MYH10: variants seen among roughly 807,000 people sequenced by gnomAD.
The protein encoded by MYH10 is myosin-10.
Under a neutral mutation model 257.8 loss-of-function variants are expected in MYH10, and 55 were observed. The ratio of observed to expected loss-of-function variants is 0.21; its 90% CI spans 0.17 to 0.27. The LOEUF (loss-of-function observed/expected upper bound fraction) is 0.27. Ranked by LOEUF, MYH10 falls within the 10% of genes least tolerant of loss-of-function variation. MYH10 has a pLI of 1.00. For synonymous variants in MYH10, 854 were observed against 921.7 expected, an observed-to-expected ratio of 0.93 and a Z score of 1.33; for missense variants, 1,631 against 2,500.6, an observed-to-expected ratio of 0.65 and a Z score of 7.42.
chr17:8,493,073 A>T (rs372550050), intron 32 of MYH10, 49 bp from the exon 33 acceptor site: 1 of 1,579,996 alleles, frequency 6.3e-7, no homozygotes, highest in East Asian at 2.3e-5. Context: ...AATGTACTCA[A>T]TTGGGGCCAG....
intron 6 of MYH10, 149 bp downstream of exon 6, chr17:8,576,494 G>C (rs1429774917): frequency 1.5e-6 from 1 of 668,132 alleles, no homozygotes; most frequent in African/African-American, 1.8e-5. Flanking sequence ...GAAAGAATAA[G>C]GCTCTAAGCA....
At chr17:8,537,697 G>A (rs926706607) in intron 14 of MYH10, among the ~76,000 whole-genome samples, 1 of 152,162 alleles carries the variant, frequency 6.6e-6, no homozygotes, top group African/African-American at 2.4e-5. Context: ...CACTTTTAAT[G>A]AGAATTTTCC....
intron 24 of MYH10, among the ~76,000 whole-genome samples, chr17:8,510,468 C>G (rs146369416): frequency 6.4e-4 from 98 of 152,226 alleles, no homozygotes; most frequent in African/African-American, 2.2e-3. Flanking sequence ...TTCCTTTCAA[C>G]CAGCAATTTC....
intron 30 of MYH10, among the ~76,000 whole-genome samples, chr17:8,495,993 G>C (rs1184860871): frequency 6.6e-6 from 1 of 152,164 alleles, no homozygotes; most frequent in Non-Finnish European, 1.5e-5. Context: ...ACAGATGTGA[G>C]CCACCACACC....
Position 8,508,536 on chromosome 17 carries a change from C to T in MYH10, c.3214+18G>A, listed in dbSNP as rs779287508. 5.6e-6 allele frequency: 9 copies of T among 1,613,896 alleles called. No homozygotes were observed. The highest frequency in any genetic ancestry group is 7.6e-6 in the Non-Finnish European group (9 of 1,179,934). On this transcript the variant is annotated intron_variant, in intron 26 of 42. Coordinates refer to ENST00000360416, the MANE Select transcript of MYH10 (RefSeq NM_001256012.3). ...TCACATGTCCTAGTCCCTGATTTCT[C>T]TAGCCCCAAATACTAACCTTCTAAA...
At chr17:8,530,191 T>C (rs2081969579) in intron 17 of MYH10, among the ~76,000 whole-genome samples, 1 of 152,014 alleles carries the variant, frequency 6.6e-6, no homozygotes, top group Non-Finnish European at 1.5e-5. Context: ...AAGAAAAAAA[T>C]CCTCCTTGGA....
intron 7 of MYH10, among the ~76,000 whole-genome samples, chr17:8,567,174 G>A (rs982732251): frequency 1.3e-5 from 2 of 152,154 alleles, no homozygotes; most frequent in Non-Finnish European, 2.9e-5. Context: ...TTTAGTTGTG[G>A]CTCAGGCTCA....
intron 21 of MYH10, 134 bp downstream of exon 21, chr17:8,518,497 T>C (rs947317643): frequency 4.6e-6 from 4 of 865,300 alleles, no homozygotes; most frequent in Non-Finnish European, 3.6e-6. Flanking sequence ...TACCTGACTA[T>C]CTCTGCCACT....
intron 9 of MYH10, among the ~76,000 whole-genome samples, 166 bp downstream of exon 9, chr17:8,551,880 C>T (rs1323237984): frequency 1.3e-5 from 2 of 152,032 alleles, no homozygotes; most frequent in South Asian, 2.1e-4. Flanking sequence ...AAAGTACTTA[C>T]CCCATGGCAT....
At chr17:8,520,669 C>G (rs915669740) in intron 19 of MYH10, among the ~76,000 whole-genome samples, 13 of 152,164 alleles carry the variant, frequency 8.5e-5, no homozygotes, top group South Asian at 2.1e-4. Flanking sequence ...CTAGCACACT[C>G]CCTTTTTATA....
At chr17:8,523,335 T>C (rs2081721769) in intron 17 of MYH10, among the ~76,000 whole-genome samples, 1 of 152,244 alleles carries the variant, frequency 6.6e-6, no homozygotes, top group Non-Finnish European at 1.5e-5. Flanking sequence ...CATATATACA[T>C]GTCAGTGGAT....
chr17:8,527,385 G>A (rs996776996), intron 17 of MYH10, among the ~76,000 whole-genome samples: 4 of 152,038 alleles, frequency 2.6e-5, no homozygotes, highest in South Asian at 2.1e-4. Context: ...TATCCCTTTC[G>A]GCCAGGCCAT....
intron 2 of MYH10, among the ~76,000 whole-genome samples, chr17:8,605,699 C>T (rs565127016): frequency 5.2e-4 from 79 of 152,228 alleles, no homozygotes; most frequent in African/African-American, 1.8e-3. Context: ...AAGCCTAGAT[C>T]GCATCACTGT....
chr17:8,620,665 G>T (rs1424446143), intron 2 of MYH10, among the ~76,000 whole-genome samples: 2 of 152,092 alleles, frequency 1.3e-5, no homozygotes, highest in Non-Finnish European at 2.9e-5. Context: ...CAACTGGCTG[G>T]TTAATTCCAA....
intron 29 of MYH10, among the ~76,000 whole-genome samples, chr17:8,500,229 TCA>T (rs761621620): frequency 7.2e-5 from 11 of 152,132 alleles, no homozygotes; most frequent in Admixed American, 2.6e-4. Flanking sequence ...AAGAACCAAG[TCA>T]CAAAGGCAAG....
At chr17:8,520,615 C>A (rs569522833) in intron 19 of MYH10, among the ~76,000 whole-genome samples, 2 of 152,296 alleles carry the variant, frequency 1.3e-5, no homozygotes, top group African/African-American at 2.4e-5. Flanking sequence ...AACTTCAGGG[C>A]CCTGAAAACA....
intron 6 of MYH10, 44 bp downstream of exon 6, chr17:8,576,599 A>T: frequency 6.5e-7 from 1 of 1,529,882 alleles, no homozygotes; most frequent in Non-Finnish European, 8.9e-7. Context: ...GACAGAAATT[A>T]GTGCAAACAC....
At chr17:8,520,427 C>T (rs1378876674) in intron 19 of MYH10, among the ~76,000 whole-genome samples, 11 of 152,138 alleles carry the variant, frequency 7.2e-5, no homozygotes, top group Admixed American at 3.9e-4. Context: ...ACCTGGGAGG[C>T]GGAGGTTGCA....
intron 21 of MYH10, among the ~76,000 whole-genome samples, chr17:8,518,370 G>C (rs1408993292): frequency 6.6e-6 from 1 of 152,122 alleles, no homozygotes; most frequent in Non-Finnish European, 1.5e-5. Context: ...CTGAGCTCAA[G>C]TGATCTGCCC....
Sources: gnomAD v4.1 joint callset for allele counts (sites outside exome capture counted in the v4.1 genomes callset) on GRCh38, gnomAD v4.1.1 for gene constraint, MANE v1.5 for transcripts, NCBI Gene and HGNC (gene_info 2026-07-23, HGNC 2026-07-21) for gene names.